The following AGBL1 variants were observed in gnomAD, a reference collection of about 807,000 sequenced individuals.
The protein encoded by AGBL1 is cytosolic carboxypeptidase 4.
Under a neutral mutation model 118.9 loss-of-function variants are expected in AGBL1, and 130 were observed. That is an observed-to-expected ratio of 1.09 (90% CI 0.95 to 1.26). AGBL1 has a LOEUF of 1.26. AGBL1 is among the 50% of genes most tolerant of loss of function. AGBL1 has a pLI of 0.00. For synonymous variants in AGBL1, 555 were observed against 478.9 expected (o/e 1.16, Z -2.08); for missense variants, 1,584 against 1,298.1 (o/e 1.22, Z -3.38).
In AGBL1 at chr15:86,914,262, AG is replaced by A. The variant is rs2141607735; in HGVS notation, c.*6970del. The A allele has an allele frequency of 6.6e-6, 1 of 152,302 alleles. No individual in the cohort carries two copies. The highest frequency in any genetic ancestry group is 1.9e-4 in the East Asian group (1 of 5,158). 9.4% of individuals were successfully genotyped at this position (152,302 alleles called of 1,614,324 possible). A position where few individuals can be genotyped will look rare whatever the true frequency, so the allele number is the denominator to read the frequency against. On this transcript the variant is annotated 3_prime_UTR_variant, in exon 23 of 23. Transcript: ENST00000614907. ...ACCCCACCCACACTTCATTCTGAAGAGGAAGTTATTTTGGGAGGTATTAGAG... is the reference window on the plus strand; with the variant it reads ...ACCCCACCCACACTTCATTCTGAAGAGAAGTTATTTTGGGAGGTATTAGAG...
chr15:86,636,752 TATATATAC>T lies in AGBL1; in HGVS notation c.2995-37519_2995-37512del, dbSNP rs1315977457. Among the ~76,000 whole-genome samples, 99 of 60,394 alleles carry T rather than the reference TATATATAC, an allele frequency of 1.6e-3. 5 individuals carry two copies. The highest frequency in any genetic ancestry group is 3.9e-3 in the African/African-American group (38 of 9,810). 39.6% of individuals were successfully genotyped at this position (60,394 alleles called of 152,430 possible). On this transcript the variant is annotated intron_variant, in intron 21 of 22. Coordinates refer to ENST00000614907, the MANE Select transcript of AGBL1 (RefSeq NM_001386094.1). ...ATATATATATATATATATATATATA[TATATATAC>T]ACATACATACAGAAAGGCAAGAGAA...
At chr15:86,975,960 T>C (rs1339814382) in intron 23 of AGBL1, among the ~76,000 whole-genome samples, 1 of 152,118 alleles carries the variant, frequency 6.6e-6, no homozygotes, top group Non-Finnish European at 1.5e-5. Context: ...CCTAATAAAC[T>C]GTCTGCAGCT....
At chr15:86,825,876 G>A (rs2079003978) in intron 22 of AGBL1, among the ~76,000 whole-genome samples, 1 of 134,946 alleles carries the variant, frequency 7.4e-6, no homozygotes, top group African/African-American at 2.7e-5. Flanking sequence ...TGTGACAGAT[G>A]ATAGATGGAT....
intron 15 of AGBL1, among the ~76,000 whole-genome samples, chr15:86,272,785 G>T (rs919791945): frequency 6.6e-6 from 1 of 152,106 alleles, no homozygotes; most frequent in African/African-American, 2.4e-5. Flanking sequence ...GATCTATTAG[G>T]ATATGAATCT....
At chr15:86,828,481 A>T (rs1438209786) in intron 22 of AGBL1, among the ~76,000 whole-genome samples, 4 of 152,124 alleles carry the variant, frequency 2.6e-5, no homozygotes, top group African/African-American at 7.2e-5. Flanking sequence ...GAAGGGCCAG[A>T]GTCAGAAGAA....
chr15:86,494,212 G>T (rs1053096632), intron 18 of AGBL1, among the ~76,000 whole-genome samples: 1 of 152,032 alleles, frequency 6.6e-6, no homozygotes, highest in Non-Finnish European at 1.5e-5. Flanking sequence ...TTATTATGTG[G>T]TTAATATGAG....
chr15:86,350,480 G>A (rs371001800), intron 17 of AGBL1, among the ~76,000 whole-genome samples: 9 of 152,334 alleles, frequency 5.9e-5, no homozygotes, highest in South Asian at 2.1e-4. Flanking sequence ...TGCTGGTCGG[G>A]TGTCATCTCT....
chr15:86,661,162 C>G (rs756951663), intron 21 of AGBL1, among the ~76,000 whole-genome samples: 1 of 152,110 alleles, frequency 6.6e-6, no homozygotes, highest in African/African-American at 2.4e-5. Flanking sequence ...ACATTCAAGG[C>G]AAATCCTATT....
chr15:86,807,710 T>G (rs2078737416), intron 22 of AGBL1, among the ~76,000 whole-genome samples: 1 of 152,114 alleles, frequency 6.6e-6, no homozygotes, highest in South Asian at 2.1e-4. Flanking sequence ...TGGGAGTTTT[T>G]GTACTTGGAA....
intron 18 of AGBL1, among the ~76,000 whole-genome samples, chr15:86,512,487 A>C (rs1596208267): frequency 6.6e-6 from 1 of 151,846 alleles, no homozygotes; most frequent in Admixed American, 6.6e-5. Flanking sequence ...ATTGTCCTCA[A>C]AAAGGTGTAA....
At chr15:86,148,323 A>G (rs2077059393) in intron 3 of AGBL1, among the ~76,000 whole-genome samples, 1 of 152,190 alleles carries the variant, frequency 6.6e-6, no homozygotes, top group Non-Finnish European at 1.5e-5. Context: ...GGTAATAACA[A>G]ACTTTTCTGA....
chr15:86,288,607 A>G (rs1040986479), intron 16 of AGBL1, among the ~76,000 whole-genome samples: 23 of 152,122 alleles, frequency 1.5e-4, no homozygotes, highest in African/African-American at 5.6e-4. Context: ...TTGGGGGAAT[A>G]ATCTAATGAG....
intron 19 of AGBL1, among the ~76,000 whole-genome samples, chr15:86,533,056 G>A (rs1322703342): frequency 4.2e-5 from 4 of 94,968 alleles, no homozygotes; most frequent in African/African-American, 2.5e-4. Flanking sequence ...TGTGGGCAAG[G>A]ACTTCATGTC....
chr15:86,683,950 T>A (rs2086008995), intron 22 of AGBL1, among the ~76,000 whole-genome samples: 1 of 152,170 alleles, frequency 6.6e-6, no homozygotes. Context: ...TTCTTTTTAT[T>A]AAGTACCCTG....
chr15:86,770,242 T>C (rs990913648), intron 22 of AGBL1, among the ~76,000 whole-genome samples: 2 of 151,958 alleles, frequency 1.3e-5, no homozygotes, highest in Admixed American at 6.6e-5. Flanking sequence ...CCTGCTCTCA[T>C]GAAGCTCACT....
In AGBL1 at chr15:86,951,710, C is replaced by T. The variant is rs538560506; in HGVS notation, c.3222-36277C>T. ...TGCCAATAATATCATATTTATTGATCTGAAAATTGTAAAAATTTATTGAGC... is the reference window on the plus strand; with the variant it reads ...TGCCAATAATATCATATTTATTGATTTGAAAATTGTAAAAATTTATTGAGC... On this transcript the variant is annotated intron_variant, in intron 23 of 24. Coordinates refer to the AGBL1 transcript ENST00000441037. 4.6e-5 allele frequency among the ~76,000 whole-genome samples: 7 copies of T among 152,190 alleles called. No homozygotes were observed. In the South Asian group the frequency reaches 1.5e-3, roughly 32 times the overall value.
intron 5 of AGBL1, among the ~76,000 whole-genome samples, chr15:86,212,594 G>T (rs2078117282): frequency 6.6e-6 from 1 of 152,232 alleles, no homozygotes; most frequent in Non-Finnish European, 1.5e-5. Flanking sequence ...TATAGCCCAT[G>T]TTGAACTTCA....
chr15:86,289,602 G>A (rs1035878659), intron 16 of AGBL1, among the ~76,000 whole-genome samples: 3 of 152,022 alleles, frequency 2.0e-5, no homozygotes, highest in South Asian at 2.1e-4. Flanking sequence ...CAGAATCCAC[G>A]CAACCAGAAT....
intron 17 of AGBL1, among the ~76,000 whole-genome samples, chr15:86,385,033 T>C (rs2081163164): frequency 6.6e-6 from 1 of 152,102 alleles, no homozygotes; most frequent in Admixed American, 6.5e-5. Context: ...GGCTGCATCT[T>C]TCAATCCGGC....
Sources: gnomAD v4.1 joint callset for allele counts (sites outside exome capture counted in the v4.1 genomes callset) on GRCh38, gnomAD v4.1.1 for gene constraint, MANE v1.5 for transcripts, NCBI Gene and HGNC (gene_info 2026-07-23, HGNC 2026-07-21) for gene names.